Variants in CSMD1 observed in about 807,000 individuals in gnomAD.
CSMD1 encodes the protein CUB and Sushi multiple domains 1.
A neutral mutation model predicts 417.5 loss-of-function variants in CSMD1; 213 were observed. The observed-to-expected ratio is 0.51, with a 90% CI of 0.46 to 0.57. CSMD1 has a LOEUF of 0.57. Ranked by LOEUF, CSMD1 falls within the 20% of genes least tolerant of loss-of-function variation. The pLI, the probability that CSMD1 is intolerant of heterozygous loss-of-function variation, is 0.00. For missense variants in CSMD1, 6,923 were observed against 4,529.7 expected, an observed-to-expected ratio of 1.53 and a Z score of -15.17; for synonymous variants, 2,862 against 1,736.8, an observed-to-expected ratio of 1.65 and a Z score of -16.11.
At chr8:3,666,088 G>C (rs572051244) in intron 7 of CSMD1, among the ~76,000 whole-genome samples, 2 of 152,296 alleles carry the variant, frequency 1.3e-5, no homozygotes, top group South Asian at 2.1e-4. Context: ...TAGAGACAGT[G>C]TTTCACCATG....
intron 23 of CSMD1, among the ~76,000 whole-genome samples, chr8:3,326,030 G>C (rs1338557077): frequency 6.6e-6 from 1 of 152,154 alleles, no homozygotes; most frequent in Non-Finnish European, 1.5e-5. Context: ...TAGGATTTGA[G>C]GGCATGACAG....
At chr8:4,207,754 A>G (rs556446354) in intron 3 of CSMD1, among the ~76,000 whole-genome samples, 1 of 152,190 alleles carries the variant, frequency 6.6e-6, no homozygotes, top group East Asian at 1.9e-4. Flanking sequence ...TAACATTTCG[A>G]TAATCTACTA....
At chr8:3,862,949 A>G (rs1229851572) in intron 5 of CSMD1, among the ~76,000 whole-genome samples, 1 of 152,162 alleles carries the variant, frequency 6.6e-6, no homozygotes, top group Admixed American at 6.6e-5. Flanking sequence ...GCAGAAATTT[A>G]TAGTTCACAA....
chr8:3,618,135 G>A (rs1584968818), intron 7 of CSMD1, among the ~76,000 whole-genome samples: 1 of 151,820 alleles, frequency 6.6e-6, no homozygotes, highest in Non-Finnish European at 1.5e-5. Context: ...CCTAATAGCT[G>A]GTAACACAGG....
chr8:4,237,045 G>A (rs370428375), intron 3 of CSMD1, among the ~76,000 whole-genome samples: 48 of 152,234 alleles, frequency 3.2e-4, no homozygotes, highest in African/African-American at 1.1e-3. Context: ...GTGTTGCCAT[G>A]GACAGATAAC....
At chr8:4,040,348 TTA>T (rs1478066977) in intron 3 of CSMD1, among the ~76,000 whole-genome samples, 1 of 152,182 alleles carries the variant, frequency 6.6e-6, no homozygotes, top group Non-Finnish European at 1.5e-5. Context: ...AGTACTATTA[TTA>T]TGCCCATTTT....
intron 10 of CSMD1, among the ~76,000 whole-genome samples, chr8:3,563,975 G>A (rs1386122241): frequency 6.6e-6 from 1 of 152,090 alleles, no homozygotes; most frequent in African/African-American, 2.4e-5. Flanking sequence ...GGTACATTCT[G>A]AGTATACGAT....
In CSMD1 at chr8:4,415,973, G is replaced by C. The variant is rs554718000; in HGVS notation, c.415+3980C>G. ...AGCCATGGGATCTCGGGAAACTAAA[G>C]TACTGCAGTTAACTACTTCACTTTC... On this transcript the variant is annotated intron_variant, in intron 3 of 69. Transcript: ENST00000635120. 1.3e-4 allele frequency among the ~76,000 whole-genome samples: 20 copies of C among 152,226 alleles called. No homozygotes were observed. The South Asian group carries it at 4.2e-3, about 32-fold the overall frequency.
chr8:3,813,563 TA>T (rs1482656282), intron 5 of CSMD1, among the ~76,000 whole-genome samples: 3 of 152,188 alleles, frequency 2.0e-5, no homozygotes, highest in Admixed American at 2.0e-4. Flanking sequence ...TAGGAGTCTA[TA>T]ACACAATTTA....
intron 2 of CSMD1, among the ~76,000 whole-genome samples, chr8:4,617,858 C>T (rs1021319089): frequency 6.6e-6 from 1 of 152,146 alleles, no homozygotes; most frequent in Admixed American, 6.6e-5. Flanking sequence ...AGAACACTCA[C>T]CCTTCTTGCT....
chr8:3,698,830 G>C (rs1007200301), intron 7 of CSMD1, among the ~76,000 whole-genome samples: 1 of 152,292 alleles, frequency 6.6e-6, no homozygotes, highest in East Asian at 1.9e-4. Flanking sequence ...GAAAATGTCC[G>C]TGGGAAAATG....
At chr8:4,584,236 G>A (rs1053669474) in intron 2 of CSMD1, among the ~76,000 whole-genome samples, 2 of 151,958 alleles carry the variant, frequency 1.3e-5, no homozygotes, top group South Asian at 2.1e-4. Flanking sequence ...ACCAATTCCG[G>A]ACACATTTTG....
chr8:4,779,243 T>C (rs1797027963), intron 1 of CSMD1, among the ~76,000 whole-genome samples: 1 of 152,202 alleles, frequency 6.6e-6, no homozygotes, highest in African/African-American at 2.4e-5. Flanking sequence ...CAGCCTCCTG[T>C]AGAAATTGAC....
intron 7 of CSMD1, among the ~76,000 whole-genome samples, chr8:3,678,985 G>T (rs576667196): frequency 6.6e-6 from 1 of 152,226 alleles, no homozygotes; most frequent in African/African-American, 2.4e-5. Context: ...AGCAAATGCT[G>T]AGAGATTTTG....
chr8:3,449,340 T>C (rs1319582329), intron 12 of CSMD1, among the ~76,000 whole-genome samples: 1 of 152,142 alleles, frequency 6.6e-6, no homozygotes, highest in East Asian at 1.9e-4. Flanking sequence ...CTCAATATAA[T>C]CTTGTTTTCT....
At chr8:4,726,313 T>C (rs886972057) in intron 1 of CSMD1, among the ~76,000 whole-genome samples, 3 of 151,476 alleles carry the variant, frequency 2.0e-5, no homozygotes, top group Non-Finnish European at 4.4e-5. Flanking sequence ...TAGCGGGTTC[T>C]TTAAAAAAAA....
chr8:4,774,651 G>A (rs952839703), intron 1 of CSMD1, among the ~76,000 whole-genome samples: 6 of 152,118 alleles, frequency 3.9e-5, no homozygotes, highest in African/African-American at 1.2e-4. Context: ...ATGTTCAATT[G>A]TAACCTCTAA....
chr8:3,266,080 T>C (rs2117118939), intron 26 of CSMD1, among the ~76,000 whole-genome samples: 2 of 151,896 alleles, frequency 1.3e-5, no homozygotes, highest in South Asian at 4.2e-4. Context: ...TGAATCCATG[T>C]CCATGCCTGG....
rs1053477139 is a variant in CSMD1, at chr8:2,956,690, T to C, written c.9815-922A>G. On this transcript the variant is annotated intron_variant, in intron 63 of 69. Coordinates refer to ENST00000635120, the MANE Select transcript of CSMD1 (RefSeq NM_033225.6). ...CCAGGATGGTCTCGATCTCCTGACC[T>C]CGTGATCCACCTGCCTCGGCCTCCC... is the stretch of plus-strand genomic sequence containing the variant. Among the ~76,000 whole-genome samples, 10 of 152,052 alleles carry C rather than the reference T, an allele frequency of 6.6e-5. No individual in the cohort carries two copies. In the East Asian group the frequency reaches 1.2e-3, roughly 18 times the overall value.
Sources: gnomAD v4.1 joint callset for allele counts (sites outside exome capture counted in the v4.1 genomes callset) on GRCh38, gnomAD v4.1.1 for gene constraint, MANE v1.5 for transcripts, NCBI Gene and HGNC (gene_info 2026-07-23, HGNC 2026-07-21) for gene names.